KCNK2: variants seen among roughly 807,000 people sequenced by gnomAD.
KCNK2 encodes the protein potassium two pore domain channel subfamily K member 2.
A neutral mutation model predicts 40.5 loss-of-function variants in KCNK2; 21 were observed. That is an observed-to-expected ratio of 0.52 (90% confidence interval 0.37 to 0.75). The LOEUF is 0.75. Among genes scored for constraint, KCNK2 ranks in the 30% least tolerant of loss-of-function variants. The pLI is 0.00. For missense variants in KCNK2, 399 were observed against 531.6 expected (o/e 0.75, Z 2.45); for synonymous variants, 191 against 202.2 (o/e 0.94, Z 0.47).
chr1:215,066,999 C>A (rs1450726226), intron 1 of KCNK2, among the ~76,000 whole-genome samples: 1 of 151,568 alleles, frequency 6.6e-6, no homozygotes, highest in African/African-American at 2.4e-5. Flanking sequence ...ACATTTATTC[C>A]CACAAGAAAG....
chr1:215,069,466 C>A (rs753408227), intron 1 of KCNK2, among the ~76,000 whole-genome samples: 4 of 152,208 alleles, frequency 2.6e-5, no homozygotes, highest in Non-Finnish European at 5.9e-5. Flanking sequence ...GGGCCAAGCC[C>A]CAGAGGATAA....
intron 3 of KCNK2, among the ~76,000 whole-genome samples, chr1:215,152,181 A>G (rs1662713919): frequency 6.7e-6 from 1 of 149,054 alleles, no homozygotes; most frequent in African/African-American, 2.5e-5. Context: ...TTCTACTCTC[A>G]GTGCCTAAAT....
chr1:215,203,191 A>G (rs1469786220), intron 6 of KCNK2, among the ~76,000 whole-genome samples: 1 of 152,188 alleles, frequency 6.6e-6, no homozygotes, highest in East Asian at 1.9e-4. Flanking sequence ...AGTGAAATCA[A>G]CCTAAAATTT....
At chr1:215,096,196 G>A (rs1241989484) in intron 2 of KCNK2, among the ~76,000 whole-genome samples, 1 of 151,254 alleles carries the variant, frequency 6.6e-6, no homozygotes, top group African/African-American at 2.4e-5. Flanking sequence ...ATATACCAAG[G>A]TGTGTGTGTG....
intron 2 of KCNK2, among the ~76,000 whole-genome samples, chr1:215,120,042 C>T (rs1004859594): frequency 6.6e-5 from 10 of 152,230 alleles, no homozygotes; most frequent in African/African-American, 2.2e-4. Context: ...ATGGTAGACT[C>T]ATTCTCATAG....
intron 1 of KCNK2, among the ~76,000 whole-genome samples, chr1:215,047,993 T>C (rs1379558095): frequency 6.6e-6 from 1 of 152,172 alleles, no homozygotes; most frequent in Non-Finnish European, 1.5e-5. Flanking sequence ...ACCAACAATA[T>C]TGATCAGAGA....
chr1:215,230,507 G>GTGTGTATATA (rs564184766), intron 6 of KCNK2, among the ~76,000 whole-genome samples: 1 of 65,580 alleles, frequency 1.5e-5, no homozygotes, highest in African/African-American at 7.2e-5. Context: ...ACACACGGCT[G>GTGTGTATATA]TATATATATA....
chr1:215,142,411 A>C (rs1662222533), intron 3 of KCNK2, among the ~76,000 whole-genome samples: 1 of 152,116 alleles, frequency 6.6e-6, no homozygotes, highest in Admixed American at 6.6e-5. Context: ...AATAGACAAA[A>C]ATTTAGTTAG....
chr1:215,020,889 A>G (rs1303766272), intron 1 of KCNK2, among the ~76,000 whole-genome samples: 1 of 152,230 alleles, frequency 6.6e-6, no homozygotes, highest in African/African-American at 2.4e-5. Context: ...GTAAAATGTC[A>G]TACATAGGAT....
intron 1 of KCNK2, among the ~76,000 whole-genome samples, chr1:215,044,828 C>CGT (rs1657698985): frequency 5.4e-5 from 2 of 36,864 alleles, no homozygotes; most frequent in Non-Finnish European, 1.8e-4. Context: ...TGTGTGTGTG[C>CGT]GCGCGCACAC....
chr1:215,007,113 G>A (rs1304366633), intron 1 of KCNK2, among the ~76,000 whole-genome samples: 2 of 119,514 alleles, frequency 1.7e-5, no homozygotes, highest in East Asian at 2.5e-4. Context: ...ATATATGTGT[G>A]TATATATGTA....
At chr1:215,134,110 G>GA (rs112080577) in intron 3 of KCNK2, among the ~76,000 whole-genome samples, 115,414 of 150,462 alleles carry the variant, frequency 0.77, 44,499 homozygotes, top group Non-Finnish European at 0.79. Context: ...GGGTGTAAAA[G>GA]AAAAAAAAAA....
intron 6 of KCNK2, among the ~76,000 whole-genome samples, chr1:215,201,705 T>C (rs1665086781): frequency 6.6e-6 from 1 of 152,190 alleles, no homozygotes; most frequent in Non-Finnish European, 1.5e-5. Context: ...CATCTCTTTA[T>C]TGGGAGGATT....
At chr1:215,056,744 T>C (rs1425098190) in intron 1 of KCNK2, among the ~76,000 whole-genome samples, 5 of 150,238 alleles carry the variant, frequency 3.3e-5, no homozygotes, top group African/African-American at 1.2e-4. Context: ...GCATGAGCCA[T>C]CACATCCAGT....
rs529928100 is a variant in KCNK2 at position 215,017,851 on chromosome 1, CAATT to C, written c.34+11899_34+11902del. On this transcript the variant is annotated intron_variant, in intron 1 of 6. Transcript: ENST00000391895. ...CCATATATGTATAATTTTTACTTGT[CAATT>C]AAAGTAAATAAATAGTGTCCAGCAG... 1.6e-3 allele frequency among the ~76,000 whole-genome samples: 245 copies of C among 152,046 alleles called. 2 individuals carry two copies. Among genetic ancestry groups the C allele is most frequent in the African/African-American group, 4.3e-3 (179 of 41,480 alleles).
At chr1:215,183,133 C>A (rs1339460751) in intron 5 of KCNK2, among the ~76,000 whole-genome samples, 1 of 152,100 alleles carries the variant, frequency 6.6e-6, no homozygotes, top group Admixed American at 6.6e-5. Flanking sequence ...TATGCACTAT[C>A]TTGCTATTTT....
intron 5 of KCNK2, among the ~76,000 whole-genome samples, chr1:215,188,178 T>G (rs1339357102): frequency 6.6e-6 from 1 of 152,198 alleles, no homozygotes; most frequent in Non-Finnish European, 1.5e-5. Flanking sequence ...TGAAATTTTC[T>G]TCATCACACA....
At chr1:215,100,755 G>T (rs761768703) in intron 2 of KCNK2, among the ~76,000 whole-genome samples, 3 of 151,914 alleles carry the variant, frequency 2.0e-5, no homozygotes, top group Non-Finnish European at 4.4e-5. Flanking sequence ...AAACCATCAA[G>T]TGCATAACAA....
At chr1:215,227,780 TGAAGGAA>T (rs1666452149) in intron 6 of KCNK2, among the ~76,000 whole-genome samples, 7 of 151,566 alleles carry the variant, frequency 4.6e-5, no homozygotes, top group Non-Finnish European at 1.0e-4. Context: ...TGGAAAGAAG[TGAAGGAA>T]TTGAGAGGAA....
Sources: gnomAD v4.1 joint callset for allele counts (sites outside exome capture counted in the v4.1 genomes callset) on GRCh38, gnomAD v4.1.1 for gene constraint, MANE v1.5 for transcripts, NCBI Gene and HGNC (gene_info 2026-07-23, HGNC 2026-07-21) for gene names.